Variants in SHISA9 observed in about 807,000 individuals in gnomAD.
SHISA9 encodes shisa family member 9.
A neutral mutation model predicts 38.0 loss-of-function variants in SHISA9; 13 were observed. That is an observed-to-expected ratio of 0.34 (90% CI 0.22 to 0.54). SHISA9 has a LOEUF of 0.54. SHISA9 is among the 20% of genes least tolerant of loss of function. The pLI is 0.91. For synonymous variants in SHISA9, 275 were observed against 242.0 expected (o/e 1.14, Z -1.27); for missense variants, 538 against 575.8 (o/e 0.93, Z 0.67).
intron 2 of SHISA9, among the ~76,000 whole-genome samples, chr16:13,045,711 A>G (rs1430300861): frequency 1.3e-5 from 2 of 152,020 alleles, no homozygotes; most frequent in Admixed American, 6.6e-5. Context: ...ATAAAGCTGG[A>G]TCATGGAAAA....
At chr16:12,924,153 G>A (rs924173073) in intron 2 of SHISA9, among the ~76,000 whole-genome samples, 4 of 152,134 alleles carry the variant, frequency 2.6e-5, no homozygotes, top group East Asian at 3.9e-4. Context: ...GTGGGGTGGC[G>A]TGCATTTTAG....
intron 2 of SHISA9, among the ~76,000 whole-genome samples, chr16:12,931,238 T>A (rs1448979142): frequency 6.6e-6 from 1 of 152,202 alleles, no homozygotes; most frequent in African/African-American, 2.4e-5. Context: ...TTTCGATCTT[T>A]GTGTGTTATT....
At chr16:12,955,386 C>G (rs938776303) in intron 2 of SHISA9, among the ~76,000 whole-genome samples, 2 of 152,134 alleles carry the variant, frequency 1.3e-5, no homozygotes, top group South Asian at 4.1e-4. Context: ...AGTCTCTGGG[C>G]AGATGTGCCT....
chr16:13,444,418 AGG>A, the SHISA9 span, among the ~76,000 whole-genome samples: 1 of 35,914 alleles, frequency 2.8e-5, no homozygotes, highest in African/African-American at 1.2e-4. Context: ...GGAGGGAGGG[AGG>A]AAGGAAGGAA....
At chr16:13,170,321 A>G (rs1479874825) in intron 2 of SHISA9, among the ~76,000 whole-genome samples, 5 of 152,122 alleles carry the variant, frequency 3.3e-5, no homozygotes, top group Non-Finnish European at 5.9e-5. Flanking sequence ...TGAGTGCCTG[A>G]GATACAATGG....
chr16:13,275,017 C>T, the SHISA9 span, among the ~76,000 whole-genome samples: 35 of 152,214 alleles, frequency 2.3e-4, no homozygotes, highest in African/African-American at 8.2e-4. Flanking sequence ...GTCTAAATTC[C>T]TCACTGATGA....
chr16:13,211,247 A>C (rs2051116539), intron 3 of SHISA9, among the ~76,000 whole-genome samples: 1 of 151,992 alleles, frequency 6.6e-6, no homozygotes, highest in African/African-American at 2.4e-5. Flanking sequence ...TGGAGGTTCC[A>C]GTGAGTCGAG....
chr16:13,305,187 C>T, the SHISA9 span, among the ~76,000 whole-genome samples: 2 of 152,162 alleles, frequency 1.3e-5, no homozygotes, highest in African/African-American at 4.8e-5. Context: ...TTTCACTTCC[C>T]CCTGGGGACG....
the SHISA9 span, among the ~76,000 whole-genome samples, chr16:13,392,570 GA>G: frequency 9.9e-5 from 15 of 152,128 alleles, no homozygotes; most frequent in Non-Finnish European, 2.1e-4. Flanking sequence ...AGATCACTTA[GA>G]GGTCAAACAG....
At chr16:13,361,795 G>A in the SHISA9 span, among the ~76,000 whole-genome samples, 1 of 152,156 alleles carries the variant, frequency 6.6e-6, no homozygotes, top group Non-Finnish European at 1.5e-5. Context: ...CCATGATGAT[G>A]TGTTGTCTGT....
chr16:13,242,325 G>A (rs2051441284), downstream of SHISA9, among the ~76,000 whole-genome samples: 1 of 152,168 alleles, frequency 6.6e-6, no homozygotes, highest in Admixed American at 6.5e-5. Flanking sequence ...CTTCAGATAA[G>A]GTAGATCCGA....
At chr16:13,469,322 GAA>G in the SHISA9 span, among the ~76,000 whole-genome samples, 1,249 of 72,008 alleles carry the variant, frequency 0.017, 33 homozygotes, top group African/African-American at 0.065. Context: ...GAGAGAGAGA[GAA>G]AGAAAGAAAG....
the SHISA9 span, among the ~76,000 whole-genome samples, chr16:13,473,656 G>A: frequency 6.6e-6 from 1 of 152,028 alleles, no homozygotes; most frequent in Non-Finnish European, 1.5e-5. Context: ...AGAAGATACT[G>A]CCAATTGCCT....
At chr16:13,127,031 C>A in intron 2 of SHISA9, among the ~76,000 whole-genome samples, 1 of 100,680 alleles carries the variant, frequency 9.9e-6, no homozygotes, top group Admixed American at 1.2e-4. Flanking sequence ...CAGAGAGAGC[C>A]GAAGGAAGGA....
At chr16:13,303,062 C>T in the SHISA9 span, among the ~76,000 whole-genome samples, 1 of 152,174 alleles carries the variant, frequency 6.6e-6, no homozygotes, top group Non-Finnish European at 1.5e-5. Flanking sequence ...AGCGTGGAAA[C>T]AGACTAATAC....
chr16:13,249,858 A>T, the SHISA9 span, among the ~76,000 whole-genome samples: 23 of 152,130 alleles, frequency 1.5e-4, no homozygotes, highest in Non-Finnish European at 2.9e-4. Context: ...TTAGCCTCCA[A>T]GAAACTGGGA....
the SHISA9 span, chr16:13,332,529 C>T: frequency 1.3e-5 from 2 of 152,290 alleles, no homozygotes; most frequent in Non-Finnish European, 2.9e-5. Flanking sequence ...CCTCAAATAT[C>T]CATTTGTCTT....
the SHISA9 span, among the ~76,000 whole-genome samples, chr16:13,420,245 C>CAAAAAAAAAA: frequency 0.034 from 1,706 of 50,392 alleles, 276 homozygotes; most frequent in East Asian, 0.069. Context: ...GAATCTGTTT[C>CAAAAAAAAAA]AAAAAAAAAA....
At chr16:13,425,086 C>T in the SHISA9 span, among the ~76,000 whole-genome samples, 1 of 152,202 alleles carries the variant, frequency 6.6e-6, no homozygotes, top group Non-Finnish European at 1.5e-5. Flanking sequence ...TTATCCTAAG[C>T]GAATGAATGC....
Sources: gnomAD v4.1 joint callset for allele counts (sites outside exome capture counted in the v4.1 genomes callset) on GRCh38, gnomAD v4.1.1 for gene constraint, MANE v1.5 for transcripts, NCBI Gene and HGNC (gene_info 2026-07-23, HGNC 2026-07-21) for gene names.